The following DMD variants were observed in gnomAD, a reference collection of about 807,000 sequenced individuals.
DMD encodes mutant dystrophin.
A neutral mutation model predicts 330.1 loss-of-function variants in DMD; 63 were observed. That is an observed-to-expected ratio of 0.19 (90% CI 0.16 to 0.24). DMD has a LOEUF of 0.24. Among genes scored for constraint, DMD ranks in the 10% least tolerant of loss-of-function variants. The pLI, the probability that DMD is intolerant of heterozygous loss-of-function variation, is 1.00. For missense variants in DMD, 3,344 were observed against 2,684.1 expected (o/e 1.25, Z -5.43); for synonymous variants, 1,223 against 959.8 (o/e 1.27, Z -5.07).
intron 35 of DMD, 118 bp from the exon 36 acceptor site, chrX:32,364,828 A>C: frequency 3.5e-6 from 3 of 860,303 alleles, no homozygotes; most frequent in Non-Finnish European, 4.9e-6. Context: ...ATTAGTTTTA[A>C]GTGGTATTTT....
At chrX:31,239,337 T>C (rs1001489575) in intron 63 of DMD, among the ~76,000 whole-genome samples, 3 of 112,045 alleles carry the variant, frequency 2.7e-5, no homozygotes, top group Non-Finnish European at 3.8e-5. Flanking sequence ...TTTAGGGGAA[T>C]ATATATACTT....
At chrX:32,681,392 G>C (rs1376349692) in intron 9 of DMD, among the ~76,000 whole-genome samples, 2 of 111,603 alleles carry the variant, frequency 1.8e-5, no homozygotes, top group Non-Finnish European at 3.8e-5. Flanking sequence ...AATCAAACAT[G>C]TGTTTGAAAT....
intron 1 of DMD, among the ~76,000 whole-genome samples, chrX:33,104,031 A>C (rs1170171488): frequency 8.9e-6 from 1 of 111,870 alleles, no homozygotes; most frequent in Non-Finnish European, 1.9e-5. Context: ...TAAAAGTAGA[A>C]TATCAGTAGA....
intron 44 of DMD, among the ~76,000 whole-genome samples, chrX:32,165,734 CCA>C (rs1402627080): frequency 9.0e-6 from 1 of 111,442 alleles, no homozygotes; most frequent in Non-Finnish European, 1.9e-5. Context: ...GTGTCCCCAC[CCA>C]AATCTCATCT....
At chrX:32,544,597 C>T (rs974576985) in intron 17 of DMD, among the ~76,000 whole-genome samples, 3 of 111,131 alleles carry the variant, frequency 2.7e-5, no homozygotes, top group Non-Finnish European at 5.7e-5. Context: ...TGAATAGTCA[C>T]AAAAAGATCA....
chrX:32,103,850 CT>C (rs936325046), intron 44 of DMD, among the ~76,000 whole-genome samples: 14 of 111,614 alleles, frequency 1.3e-4, no homozygotes, highest in African/African-American at 2.3e-4. Context: ...CTTATATAAC[CT>C]TTTTTCCCCC....
intron 47 of DMD, among the ~76,000 whole-genome samples, chrX:31,895,753 G>A (rs2094322836): frequency 8.9e-6 from 1 of 111,909 alleles, no homozygotes; most frequent in Non-Finnish European, 1.9e-5. Flanking sequence ...TAGATACTTA[G>A]TGGCTGGAAT....
intron 30 of DMD, among the ~76,000 whole-genome samples, chrX:32,402,391 C>A (rs1216341318): frequency 9.0e-6 from 1 of 111,172 alleles, no homozygotes; most frequent in Non-Finnish European, 1.9e-5. Context: ...AGTCAATGAA[C>A]AATAGGAAAT....
chrX:32,591,373 T>C (rs765551773), intron 13 of DMD, among the ~76,000 whole-genome samples: 1 of 112,184 alleles, frequency 8.9e-6, no homozygotes, highest in South Asian at 3.7e-4. Flanking sequence ...TTTTGCTTTT[T>C]CTTTGGAAGA....
intron 7 of DMD, among the ~76,000 whole-genome samples, chrX:32,764,392 C>G (rs1267815416): frequency 9.0e-6 from 1 of 110,803 alleles, no homozygotes; most frequent in African/African-American, 3.3e-5. Flanking sequence ...GTCACCATCC[C>G]CACCATCCAC....
chrX:32,020,099 A>G (rs2095796288), intron 44 of DMD, among the ~76,000 whole-genome samples: 1 of 112,864 alleles, frequency 8.9e-6, no homozygotes, highest in African/African-American at 3.2e-5. Context: ...CTGCCTTACT[A>G]TCTACGTTAA....
chrX:33,116,736 T>C (rs1311678749), intron 1 of DMD, among the ~76,000 whole-genome samples: 1 of 111,429 alleles, frequency 9.0e-6, no homozygotes, highest in Non-Finnish European at 1.9e-5. Flanking sequence ...AATTGAATTT[T>C]TGAAGATGGG....
intron 2 of DMD, among the ~76,000 whole-genome samples, chrX:32,876,645 T>C (rs2083402732): frequency 8.9e-6 from 1 of 112,307 alleles, no homozygotes; most frequent in Non-Finnish European, 1.9e-5. Flanking sequence ...GAAGTTGTTG[T>C]AGGTTTCCTC....
At chrX:32,742,368 C>T (rs751987465) in intron 7 of DMD, among the ~76,000 whole-genome samples, 2 of 111,795 alleles carry the variant, frequency 1.8e-5, no homozygotes, top group Non-Finnish European at 3.8e-5. Flanking sequence ...ATCAGAGAAG[C>T]CTAAGGATTC....
At chrX:33,150,074 A>G (rs1331194522) in intron 1 of DMD, among the ~76,000 whole-genome samples, 1 of 111,375 alleles carries the variant, frequency 9.0e-6, no homozygotes, top group Non-Finnish European at 1.9e-5. Flanking sequence ...TTTCTAAAAA[A>G]TACAAATTAT....
chrX:32,073,014 T>C (rs1412812279), intron 44 of DMD, among the ~76,000 whole-genome samples: 1 of 112,066 alleles, frequency 8.9e-6, no homozygotes, highest in Non-Finnish European at 1.9e-5. Flanking sequence ...GGGTTGGAAA[T>C]AAGTGTAATG....
intron 55 of DMD, among the ~76,000 whole-genome samples, chrX:31,596,997 A>T (rs950138019): frequency 8.9e-6 from 1 of 112,821 alleles, no homozygotes; most frequent in African/African-American, 3.2e-5. Flanking sequence ...AACATAGAAG[A>T]TATTCTAGGC....
intron 60 of DMD, among the ~76,000 whole-genome samples, chrX:31,366,470 CAAAAAAAA>C (rs34216082): frequency 1.9e-4 from 2 of 10,651 alleles, no homozygotes; most frequent in African/African-American, 4.9e-4. Flanking sequence ...CTCTCTCTCT[CAAAAAAAA>C]AAAAAAAAAA....
intron 11 of DMD, among the ~76,000 whole-genome samples, chrX:32,635,372 T>G (rs749889557): frequency 3.6e-5 from 4 of 111,634 alleles, no homozygotes; most frequent in Non-Finnish European, 5.6e-5. Flanking sequence ...GTTGTTCAAT[T>G]TGATGTTCCT....
Sources: allele counts gnomAD v4.1 joint callset (sites outside exome capture counted in the v4.1 genomes callset), GRCh38; gene constraint gnomAD v4.1.1; transcripts MANE v1.5; gene names NCBI Gene and HGNC (gene_info 2026-07-23, HGNC 2026-07-21).